CENPC: variants seen among roughly 807,000 people sequenced by gnomAD.
CENPC encodes the protein CENP-C 1.
Under a neutral mutation model 112.1 loss-of-function variants are expected in CENPC, and 63 were observed. That is an observed-to-expected ratio of 0.56 (90% CI 0.46 to 0.69). The LOEUF is 0.69. Ranked by LOEUF, CENPC falls within the 30% of genes least tolerant of loss-of-function variation. The pLI is 0.00. For missense variants in CENPC, 1,000 were observed against 1,103.8 expected, an observed-to-expected ratio of 0.91 and a Z score of 1.33; for synonymous variants, 333 against 367.6, an observed-to-expected ratio of 0.91 and a Z score of 1.08.
At chr4:67,494,271 TA>T (rs1221444585) in intron 13 of CENPC, among the ~76,000 whole-genome samples, 1 of 152,218 alleles carries the variant, frequency 6.6e-6, no homozygotes, top group Non-Finnish European at 1.5e-5. Context: ...TTCTGTATAC[TA>T]AATTGAGTTT....
rs1022803845 is a variant in CENPC, at chr4:67,522,977, G to T, written c.332-3475C>A. On this transcript the variant is annotated intron_variant, in intron 5 of 18. Transcript: ENST00000273853. Reference sequence around the variant, plus strand: ...ATTGTGCCATTGCACTCCAGCCTGGGTGATAAGGGCAAAATTCCATCTCAA... The same window carrying T: ...ATTGTGCCATTGCACTCCAGCCTGGTTGATAAGGGCAAAATTCCATCTCAA... 2.6e-5 allele frequency among the ~76,000 whole-genome samples: 4 copies of T among 151,888 alleles called. No homozygotes were observed. In the South Asian group the frequency reaches 8.3e-4, roughly 32 times the overall value.
intron 5 of CENPC, among the ~76,000 whole-genome samples, chr4:67,528,631 T>C (rs1726454962): frequency 6.6e-6 from 1 of 152,250 alleles, no homozygotes. Flanking sequence ...GATTCTTCTA[T>C]GCTATGTTAT....
Position 67,514,148 on chromosome 4 carries a change from T to A in CENPC, c.1370A>T (p.Asn457Ile). Residue 457 changes from asparagine (N) to isoleucine (I), a missense_variant, in exon 8 of 19, where the codon AAT (asparagine) becomes ATT (isoleucine). Coordinates refer to ENST00000273853, the MANE Select transcript of CENPC (RefSeq NM_001812.4). ...ATGCTCTTCCATATTTCTGTCTGAA[T>A]TTCTTTGAAATTCGTCTTGGGTAAT... ...SHITQDEFQR[N>I]SDRNMEEHEE... The A allele has an allele frequency of 6.2e-7, 1 of 1,611,132 alleles. No homozygotes were observed. Among genetic ancestry groups the A allele is most frequent in the Non-Finnish European group, 8.5e-7 (1 of 1,178,836 alleles).
At chr4:67,481,914 A>G (rs1724968303) in intron 17 of CENPC, among the ~76,000 whole-genome samples, 2 of 152,222 alleles carry the variant, frequency 1.3e-5, no homozygotes, top group South Asian at 4.1e-4. Context: ...TAATTAAACT[A>G]AAAAGCTTCT....
intron 17 of CENPC, among the ~76,000 whole-genome samples, chr4:67,486,819 G>A (rs758123690): frequency 6.6e-6 from 1 of 152,066 alleles, no homozygotes; most frequent in Non-Finnish European, 1.5e-5. Context: ...AAAACATTAA[G>A]CAGTTTGTCA....
chr4:67,530,355 G>T (rs891320819), intron 5 of CENPC, among the ~76,000 whole-genome samples: 3 of 151,664 alleles, frequency 2.0e-5, no homozygotes, highest in African/African-American at 7.3e-5. Flanking sequence ...TTACACTATT[G>T]GTGTAAAAGG....
At chr4:67,512,287 C>A in intron 9 of CENPC, 115 bp downstream of exon 9, 1 of 703,526 alleles carries the variant, frequency 1.4e-6, no homozygotes, top group East Asian at 2.9e-5. Flanking sequence ...TTTTGATGAC[C>A]CAATTTAACT....
At position 67,489,923 on chromosome 4, in the gene CENPC, G is replaced by A. The variant is rs747141938; in HGVS notation, c.2670+44C>T. ...GTCTCATCAAATCCAATAAATCAGA[G>A]TTCTACCAAGAGTGAAACATAAATA... On this transcript the variant is annotated intron_variant, in intron 17 of 18. Coordinates refer to ENST00000273853, the MANE Select transcript of CENPC (RefSeq NM_001812.4). 31 of 1,422,644 alleles carry A rather than the reference G, an allele frequency of 2.2e-5. No homozygotes were observed. The East Asian group carries it at 7.7e-4, about 35-fold the overall frequency. 88.1% of individuals were successfully genotyped at this position (1,422,644 alleles called of 1,614,324 possible). A position where few individuals can be genotyped will look rare whatever the true frequency, so the allele number is the denominator to read the frequency against.
At chr4:67,499,346 G>A (rs988807435) in intron 12 of CENPC, among the ~76,000 whole-genome samples, 1 of 152,298 alleles carries the variant, frequency 6.6e-6, no homozygotes, top group African/African-American at 2.4e-5. Flanking sequence ...TTTGTCTACA[G>A]GGAAAATCTG....
At chr4:67,502,317 G>A (rs768360324) in intron 12 of CENPC, among the ~76,000 whole-genome samples, 2 of 152,112 alleles carry the variant, frequency 1.3e-5, no homozygotes, top group Non-Finnish European at 2.9e-5. Context: ...AAAAAGTACT[G>A]ACACAGCGAG....
intron 14 of CENPC, among the ~76,000 whole-genome samples, 171 bp from the exon 15 acceptor site, chr4:67,493,168 C>T (rs904861402): frequency 2.0e-5 from 3 of 151,790 alleles, no homozygotes; most frequent in African/African-American, 4.8e-5. Context: ...CTCTACCACC[C>T]TAAATCAGAG....
chr4:67,472,354 T>C lies in CENPC; in HGVS notation c.*251A>G, dbSNP rs552236290. On this transcript the variant is annotated 3_prime_UTR_variant, in exon 19 of 19. Coordinates refer to ENST00000273853, the MANE Select transcript of CENPC (RefSeq NM_001812.4). ...CACAGAAATGTTCTATATTTCATTT[T>C]CATATTCTTGTCAAATTATAAAAAT... 1 of 316,364 alleles carries C rather than the reference T, an allele frequency of 3.2e-6. No individual in the cohort carries two copies. The highest frequency in any genetic ancestry group is 5.2e-6 in the Non-Finnish European group (1 of 194,124). The allele number at this position is 316,364 out of a possible 1,614,324, so 19.6% of individuals were successfully genotyped here.
At chr4:67,537,145 T>C (rs1165101827) in intron 4 of CENPC, among the ~76,000 whole-genome samples, 1 of 151,296 alleles carries the variant, frequency 6.6e-6, no homozygotes, top group Non-Finnish European at 1.5e-5. Context: ...CAAAACAACA[T>C]TATCCAAATA....
intron 14 of CENPC, 41 bp downstream of exon 14, chr4:67,493,843 A>C (rs541742888): frequency 3.6e-6 from 5 of 1,398,288 alleles, no homozygotes; most frequent in South Asian, 1.2e-5. Context: ...ATAGTAAACA[A>C]ATTTTTTATT....
chr4:67,490,837 AATATATATATATATATATATAT>A (rs57498869), intron 16 of CENPC, among the ~76,000 whole-genome samples: 2 of 57,112 alleles, frequency 3.5e-5, no homozygotes, highest in African/African-American at 1.2e-4. Flanking sequence ...TATAGAAATA[AATATATATATATATATATATAT>A]ATATATATAT....
chr4:67,530,829 G>A lies in CENPC; in HGVS notation c.317C>T (p.Ala106Val). The change falls in exon 5 of 19, where the codon GCC becomes GTC. Residue 106 changes from alanine to valine, a missense_variant. By Grantham distance (64) the Ala-to-Val change is moderately conservative. Coordinates refer to ENST00000273853, the MANE Select transcript of CENPC (RefSeq NM_001812.4). ...SLQFVVEPSE[A>V]TNRSVQAHEV... The stretch of plus-strand genomic sequence containing the variant: ...ATGGCACCAACCTGATCTGTTTGTG[G>A]CTTCACTTGGTTCTACAACAAACTG... The A allele has an allele frequency of 6.3e-7, 1 of 1,588,654 alleles. No individual in the cohort carries two copies.
At chr4:67,493,856 CAG>C (rs768688685) in intron 14 of CENPC, 26 bp downstream of exon 14, 1 of 1,481,808 alleles carries the variant, frequency 6.7e-7, no homozygotes, top group South Asian at 1.2e-5. Flanking sequence ...TTTTTATTGA[CAG>C]ATATTATAAC....
At position 67,514,656 on chromosome 4, in the gene CENPC, G is replaced by A. The variant is rs1254755935; in HGVS notation, c.862C>T (p.Pro288Ser). The A allele has an allele frequency of 6.2e-7, 1 of 1,608,552 alleles. No homozygotes were observed. The highest frequency in any genetic ancestry group is 8.5e-7 in the Non-Finnish European group (1 of 1,177,702). ...GTATCATCGGGAGGACACGAATGAGGTGGAGCAGTTGCCGCATGCCTAACA... is the reference window on the plus strand; with the variant it reads ...GTATCATCGGGAGGACACGAATGAGATGGAGCAGTTGCCGCATGCCTAACA... ...PIVRHAATAP[P>S]HSCPPDDTKL... Residue 288 changes from proline to serine, a missense_variant, in exon 8 of 19, where the codon CCT becomes TCT. By Grantham distance (74) the Pro-to-Ser change is moderately conservative. Coordinates refer to ENST00000273853, the MANE Select transcript of CENPC (RefSeq NM_001812.4).
chr4:67,543,014 C>T (rs915090423), intron 2 of CENPC, among the ~76,000 whole-genome samples: 2 of 152,154 alleles, frequency 1.3e-5, no homozygotes, highest in African/African-American at 2.4e-5. Flanking sequence ...AAAGCACCTC[C>T]ACCATGTGTA....
Sources: gnomAD v4.1 joint callset for allele counts (sites outside exome capture counted in the v4.1 genomes callset) on GRCh38, gnomAD v4.1.1 for gene constraint, MANE v1.5 for transcripts, NCBI Gene and HGNC (gene_info 2026-07-23, HGNC 2026-07-21) for gene names.